PRDM2: variants seen among roughly 807,000 people sequenced by gnomAD.
PRDM2 encodes the protein PR domain zinc finger protein 2.
Under a neutral mutation model 130.0 loss-of-function variants are expected in PRDM2, and 30 were observed. That is an observed-to-expected ratio of 0.23 (90% CI 0.17 to 0.31). The LOEUF (loss-of-function observed/expected upper bound fraction) is 0.31. PRDM2 is among the 10% of genes least tolerant of loss of function. The pLI, the probability that PRDM2 is intolerant of heterozygous loss-of-function variation, is 1.00. For missense variants in PRDM2, 2,011 were observed against 2,108.4 expected (o/e 0.95, Z 0.90); for synonymous variants, 871 against 782.4 (o/e 1.11, Z -1.89).
chr1:13,750,206 ATAGT>A (rs1643778144), intron 6 of PRDM2, among the ~76,000 whole-genome samples: 1 of 152,062 alleles, frequency 6.6e-6, no homozygotes, highest in South Asian at 2.1e-4. Flanking sequence ...GGGTAGGAAA[ATAGT>A]TTGGTTGGCT....
chr1:13,760,702 T>C (rs536076790), intron 6 of PRDM2, among the ~76,000 whole-genome samples: 1 of 152,330 alleles, frequency 6.6e-6, no homozygotes, highest in South Asian at 2.1e-4. Flanking sequence ...GAATATGAGC[T>C]ACCTACCCTA....
intron 5 of PRDM2, among the ~76,000 whole-genome samples, chr1:13,742,523 T>C (rs1315841755): frequency 6.6e-6 from 1 of 152,214 alleles, no homozygotes; most frequent in Non-Finnish European, 1.5e-5. Flanking sequence ...TTTCTAATGC[T>C]GTCCTTAGTT....
At chr1:13,726,513 GTA>G (rs1473447318) in intron 2 of PRDM2, among the ~76,000 whole-genome samples, 1 of 152,232 alleles carries the variant, frequency 6.6e-6, no homozygotes, top group Non-Finnish European at 1.5e-5. Flanking sequence ...CACTCAGGGA[GTA>G]TGTGTTAATG....
chr1:13,716,698 T>A (rs1642552290), intron 2 of PRDM2, among the ~76,000 whole-genome samples: 1 of 152,230 alleles, frequency 6.6e-6, no homozygotes, highest in African/African-American at 2.4e-5. Flanking sequence ...GTTATGTGGA[T>A]CTAATAATAT....
In PRDM2 at chr1:13,789,833, A is replaced by T. The variant is rs12033212; in HGVS notation, c.5036+7002A>T. Among the ~76,000 whole-genome samples, 700 of 152,354 alleles carry T rather than the reference A, an allele frequency of 4.6e-3. 23 individuals carry two copies. In the East Asian group the frequency reaches 0.086, roughly 19 times the overall value. ...TTAAAGTGTTTCAAAGACCAGGCTG[A>T]TAGTTACAGAAAATGGTTTATCGTT... is the stretch of plus-strand genomic sequence containing the variant. On this transcript the variant is annotated intron_variant, in intron 8 of 9. Coordinates refer to ENST00000311066, the MANE Select transcript of PRDM2 (RefSeq NM_001393986.1).
At chr1:13,746,022 C>T (rs1358697386) in intron 5 of PRDM2, among the ~76,000 whole-genome samples, 4 of 151,840 alleles carry the variant, frequency 2.6e-5, no homozygotes, top group Admixed American at 2.0e-4. Flanking sequence ...TATTCCTTAC[C>T]CAGTATAAGG....
chr1:13,764,127 A>T (rs1474628112), intron 6 of PRDM2, among the ~76,000 whole-genome samples: 2 of 152,292 alleles, frequency 1.3e-5, no homozygotes, highest in South Asian at 2.1e-4. Flanking sequence ...TTTTCTTCTT[A>T]GCTGAGAGTA....
chr1:13,711,478 A>C (rs1014791466), intron 1 of PRDM2, among the ~76,000 whole-genome samples: 2 of 152,218 alleles, frequency 1.3e-5, no homozygotes, highest in Non-Finnish European at 1.5e-5. Flanking sequence ...TCGATTGTCA[A>C]AATGATTGGA....
At chr1:13,733,159 T>A (rs1643162539) in intron 4 of PRDM2, among the ~76,000 whole-genome samples, 1 of 152,208 alleles carries the variant, frequency 6.6e-6, no homozygotes, top group Admixed American at 6.5e-5. Flanking sequence ...ACTAAGACCG[T>A]GACTTCCTGT....
chr1:13,708,387 T>C (rs1396393516), intron 1 of PRDM2, among the ~76,000 whole-genome samples: 1 of 152,200 alleles, frequency 6.6e-6, no homozygotes, highest in Non-Finnish European at 1.5e-5. Context: ...AACTTAAATA[T>C]ATCAAACAAA....
At chr1:13,700,776 T>C (rs578006006) in intron 1 of PRDM2, among the ~76,000 whole-genome samples, 1 of 152,338 alleles carries the variant, frequency 6.6e-6, no homozygotes, top group South Asian at 2.1e-4. Flanking sequence ...GTTTTGTGTC[T>C]TGCGTCTTTG....
At chr1:13,772,747 A>G (rs961618139) in intron 6 of PRDM2, among the ~76,000 whole-genome samples, 1 of 152,158 alleles carries the variant, frequency 6.6e-6, no homozygotes, top group Non-Finnish European at 1.5e-5. Flanking sequence ...TGCTATTACT[A>G]ATTTTCCTTT....
rs904221742 is a variant in PRDM2 at position 13,818,271 on chromosome 1, A to G, written c.*23+1701A>G. On this transcript the variant is annotated intron_variant, in intron 9 of 9. Transcript: ENST00000311066. The stretch of plus-strand genomic sequence containing the variant: ...GAATGAGAGTGTAGTTCAAGGCAAG[A>G]ATGGGCTGAATTCTGAAACTCTGAG... Among the ~76,000 whole-genome samples the G allele has an allele frequency of 6.6e-5, 10 of 152,104 alleles. 1 individual carries two copies. The East Asian group carries it at 1.9e-3, about 29-fold the overall frequency.
chr1:13,791,406 G>GT (rs925215271), intron 8 of PRDM2, among the ~76,000 whole-genome samples: 19 of 152,168 alleles, frequency 1.2e-4, no homozygotes, highest in African/African-American at 4.3e-4. Flanking sequence ...CAACGTGACT[G>GT]TTTAACAGAA....
intron 6 of PRDM2, among the ~76,000 whole-genome samples, 183 bp downstream of exon 6, chr1:13,749,670 G>GTCCCGCTCGGGCCCTGCGA (rs1480868574): frequency 6.6e-6 from 1 of 151,344 alleles, no homozygotes; most frequent in African/African-American, 2.4e-5. Context: ...CCGCCCTGCG[G>GTCCCGCTCGGGCCCTGCGA]TCCCGCTCGG....
rs776791719 is a variant in PRDM2 at position 13,742,071 on chromosome 1, C to T, written c.298C>T (p.Arg100Ter). ...TGATCCAGAGAAGGGAAACTGGCTG[C>T]GATATGTGAATTGGGCTTGCTCAGG... Reference protein sequence around the residue: ...ATDPEKGNWLRYVNWACSGEE... With the variant: ...ATDPEKGNWL Residue 100 changes from arginine (R) to a stop codon, truncating the protein, a stop_gained, in exon 5 of 10, where the codon CGA becomes TGA. Coordinates refer to ENST00000311066, the MANE Select transcript of PRDM2 (RefSeq NM_001393986.1). LOFTEE classifies it high-confidence loss of function. 1.2e-6 allele frequency: 2 copies of T among 1,606,190 alleles called. No homozygotes were observed. Among genetic ancestry groups the T allele is most frequent in the Admixed American group, 1.7e-5 (1 of 60,000 alleles).
In PRDM2 at chr1:13,782,332, C is replaced by T. The variant is rs1469382473; in HGVS notation, c.4537C>T (p.His1513Tyr). The T allele has an allele frequency of 5.0e-6, 8 of 1,614,106 alleles. No homozygotes were observed. The highest frequency in any genetic ancestry group is 6.8e-6 in the Non-Finnish European group (8 of 1,180,016). The change falls in exon 8 of 10, where the codon CAC becomes TAC. Residue 1513 changes from histidine (H) to tyrosine (Y), a missense_variant. His to Tyr is a moderately conservative substitution (Grantham distance 83). Around this residue, in one of 5 missense-constraint regions of PRDM2, gnomAD observed 410 missense variants for 395.9 expected, o/e 1.04. Coordinates refer to ENST00000311066, the MANE Select transcript of PRDM2 (RefSeq NM_001393986.1). ...TAGTGACAAAAACAGTAACAGCAAC[C>T]ACCGCAGACGGACAGCGGATGCGGA... ...ASSDKNSNSN[H>Y]RRRTADAEIK... is the part of the protein sequence containing the mutation.
In PRDM2 at chr1:13,715,577, A is replaced by G. The variant is rs763709336; in HGVS notation, c.-29A>G. 1 of 1,563,058 alleles carries G rather than the reference A, an allele frequency of 6.4e-7. No homozygotes were observed. The highest frequency in any genetic ancestry group is 2.0e-5 in the Admixed American group (1 of 50,842). ...TCAAAGAAGTTTCTTTGTTGTGTGT[A>G]TCTTTACAGAACACAACAGGAATTG... On this transcript the variant is annotated 5_prime_UTR_variant, in exon 2 of 10. Transcript: ENST00000311066.
chr1:13,795,227 A>G (rs186553289), intron 8 of PRDM2, among the ~76,000 whole-genome samples: 13 of 152,362 alleles, frequency 8.5e-5, no homozygotes, highest in African/African-American at 9.6e-5. Flanking sequence ...TAATGTAAGG[A>G]TGATCACCGA....
Sources: allele counts gnomAD v4.1 joint callset (sites outside exome capture counted in the v4.1 genomes callset), GRCh38; gene constraint gnomAD v4.1.1; regional missense constraint gnomAD v4.1.1; transcripts MANE v1.5; gene names NCBI Gene and HGNC (gene_info 2026-07-23, HGNC 2026-07-21).